The following PLCXD3 variants were observed in gnomAD, a reference collection of about 807,000 sequenced individuals.
PLCXD3 encodes the protein PI-PLC X domain-containing protein 3.
PLCXD3 carries 19 observed loss-of-function variants against 25.5 expected under a neutral mutation model. That is an observed-to-expected ratio of 0.75 (90% confidence interval 0.52 to 1.09). PLCXD3 has a LOEUF of 1.09. PLCXD3 is among the 50% of genes least tolerant of loss of function. The probability of loss-of-function intolerance (pLI) is 0.00; values close to 1 mark genes in which losing one functional copy is unlikely to be tolerated. For synonymous variants in PLCXD3, 174 were observed against 137.6 expected (o/e 1.26, Z -1.85); for missense variants, 411 against 388.1 (o/e 1.06, Z -0.50).
chr5:41,408,535 A>G (rs1746422792), intron 1 of PLCXD3, among the ~76,000 whole-genome samples: 1 of 152,256 alleles, frequency 6.6e-6, no homozygotes, highest in Non-Finnish European at 1.5e-5. Context: ...CTTTCCTGTC[A>G]CATATAAAAA....
At chr5:41,466,176 TA>T (rs1748014043) in intron 1 of PLCXD3, among the ~76,000 whole-genome samples, 1 of 152,064 alleles carries the variant, frequency 6.6e-6, no homozygotes, top group African/African-American at 2.4e-5. Flanking sequence ...AACTGCTTAA[TA>T]AAAACAGACT....
At chr5:41,336,416 A>G (rs775677533) in intron 2 of PLCXD3, among the ~76,000 whole-genome samples, 1 of 152,172 alleles carries the variant, frequency 6.6e-6, no homozygotes, top group Non-Finnish European at 1.5e-5. Flanking sequence ...TTGTTACTCC[A>G]TTATTAGTGT....
intron 2 of PLCXD3, among the ~76,000 whole-genome samples, chr5:41,322,150 G>T (rs1225102997): frequency 6.6e-6 from 1 of 152,160 alleles, no homozygotes; most frequent in Non-Finnish European, 1.5e-5. Flanking sequence ...ACAACCCACA[G>T]AATGGGAGAA....
intron 1 of PLCXD3, among the ~76,000 whole-genome samples, chr5:41,448,216 T>A (rs1230911206): frequency 2.0e-5 from 3 of 152,184 alleles, no homozygotes; most frequent in African/African-American, 7.2e-5. Context: ...ACCTCTCCCA[T>A]CATTCCTGGA....
chr5:41,361,585 C>T (rs940957283), intron 2 of PLCXD3, among the ~76,000 whole-genome samples: 1 of 152,140 alleles, frequency 6.6e-6, no homozygotes, highest in African/African-American at 2.4e-5. Flanking sequence ...GCTACTTAAA[C>T]CCCACAAAAA....
intron 1 of PLCXD3, among the ~76,000 whole-genome samples, chr5:41,509,029 G>T (rs1403418822): frequency 6.6e-6 from 1 of 152,196 alleles, no homozygotes; most frequent in Non-Finnish European, 1.5e-5. Flanking sequence ...GATAGCACTT[G>T]TAGTAGCCTG....
At chr5:41,505,555 G>A (rs966703027) in intron 1 of PLCXD3, among the ~76,000 whole-genome samples, 1 of 152,150 alleles carries the variant, frequency 6.6e-6, no homozygotes, top group Non-Finnish European at 1.5e-5. Flanking sequence ...TATAACAGAA[G>A]GAGCTGGTCC....
At chr5:41,455,484 G>A (rs1378964007) in intron 1 of PLCXD3, among the ~76,000 whole-genome samples, 1 of 151,866 alleles carries the variant, frequency 6.6e-6, no homozygotes, top group Non-Finnish European at 1.5e-5. Context: ...AGGCTAGGAG[G>A]CAGCCAGAGC....
intron 2 of PLCXD3, among the ~76,000 whole-genome samples, chr5:41,358,051 T>C (rs553494442): frequency 1.3e-5 from 2 of 152,352 alleles, no homozygotes; most frequent in African/African-American, 4.8e-5. Flanking sequence ...CTTACAAAAA[T>C]ATATTGTTAA....
chr5:41,433,262 T>C (rs1208926388), intron 1 of PLCXD3, among the ~76,000 whole-genome samples: 1 of 152,164 alleles, frequency 6.6e-6, no homozygotes. Flanking sequence ...ACACTCTAAG[T>C]GAAAATAATG....
At chr5:41,369,408 A>T (rs1745027859) in intron 2 of PLCXD3, among the ~76,000 whole-genome samples, 1 of 151,946 alleles carries the variant, frequency 6.6e-6, no homozygotes, top group African/African-American at 2.4e-5. Flanking sequence ...CCTGAATTAA[A>T]CTCTTGAAAA....
chr5:41,479,974 G>T (rs1748362631), intron 1 of PLCXD3, among the ~76,000 whole-genome samples: 1 of 151,980 alleles, frequency 6.6e-6, no homozygotes, highest in Admixed American at 6.6e-5. Context: ...GAATCTAGTA[G>T]AATTTATTTC....
chr5:41,410,969 G>A (rs1031637083), intron 1 of PLCXD3, among the ~76,000 whole-genome samples: 2 of 152,158 alleles, frequency 1.3e-5, no homozygotes, highest in Non-Finnish European at 2.9e-5. Context: ...TTGAGTATAT[G>A]TAACCACAGG....
At chr5:41,426,651 T>A (rs2150507433) in intron 1 of PLCXD3, among the ~76,000 whole-genome samples, 1 of 152,246 alleles carries the variant, frequency 6.6e-6, no homozygotes, top group South Asian at 2.1e-4. Flanking sequence ...AGAATTTTAT[T>A]TCTACTTTGC....
intron 2 of PLCXD3, among the ~76,000 whole-genome samples, chr5:41,371,629 A>T (rs1237155443): frequency 6.6e-6 from 1 of 152,166 alleles, no homozygotes; most frequent in Non-Finnish European, 1.5e-5. Flanking sequence ...GGGATGTCTC[A>T]TGTATGAACC....
chr5:41,503,593 T>C (rs1276624509), intron 1 of PLCXD3, among the ~76,000 whole-genome samples: 1 of 152,170 alleles, frequency 6.6e-6, no homozygotes, highest in Admixed American at 6.5e-5. Context: ...CTTCCTGTCT[T>C]AATAGAGCAT....
At chr5:41,344,214 C>CA (rs1744242130) in intron 2 of PLCXD3, among the ~76,000 whole-genome samples, 12 of 152,030 alleles carry the variant, frequency 7.9e-5, no homozygotes. Flanking sequence ...TAGAAGAAGA[C>CA]AAAAGATAGT....
At chr5:41,489,700 T>A (rs1017407686) in intron 1 of PLCXD3, among the ~76,000 whole-genome samples, 12 of 152,164 alleles carry the variant, frequency 7.9e-5, no homozygotes, top group African/African-American at 2.9e-4. Context: ...CAATTGTGTG[T>A]GAATGGGAGT....
At chr5:41,410,445 C>T (rs1746485955) in intron 1 of PLCXD3, among the ~76,000 whole-genome samples, 1 of 151,946 alleles carries the variant, frequency 6.6e-6, no homozygotes, top group South Asian at 2.1e-4. Flanking sequence ...GCCCGTCCCC[C>T]GCCCCCCAGC....
Sources: gnomAD v4.1 joint callset for allele counts (sites outside exome capture counted in the v4.1 genomes callset) on GRCh38, gnomAD v4.1.1 for gene constraint, MANE v1.5 for transcripts, NCBI Gene and HGNC (gene_info 2026-07-23, HGNC 2026-07-21) for gene names.